OTX2: variants seen among roughly 807,000 people sequenced by gnomAD.
The protein encoded by OTX2 is homeobox protein OTX2.
OTX2 carries 4 observed loss-of-function variants against 29.0 expected under a neutral mutation model. That is an observed-to-expected ratio of 0.14 (90% CI 0.07 to 0.32). OTX2 has a LOEUF of 0.32. OTX2 is among the 10% of genes least tolerant of loss of function. OTX2 has a pLI of 1.00. For missense variants in OTX2, 298 were observed against 365.9 expected (o/e 0.81, Z 1.51); for synonymous variants, 134 against 141.0 (o/e 0.95, Z 0.35).
At chr14:56,805,308 G>A (rs925004595) in intron 3 of OTX2, 52 bp downstream of exon 3, 24 of 1,217,418 alleles carry the variant, frequency 2.0e-5, no homozygotes, top group Non-Finnish European at 2.8e-5. Context: ...TTGCATCCCC[G>A]GAGGGTGGGC....
chr14:56,810,035 A>G (rs998427531), intron 2 of OTX2, 124 bp downstream of exon 2: 2 of 152,138 alleles, frequency 1.3e-5, no homozygotes, highest in African/African-American at 4.8e-5. Flanking sequence ...GAAAAAATAC[A>G]TCCGCCTACA....
intron 3 of OTX2, 119 bp downstream of exon 3, chr14:56,805,241 T>A: frequency 1.4e-6 from 1 of 718,074 alleles, no homozygotes; most frequent in South Asian, 1.6e-5. Flanking sequence ...AGACCAAGCC[T>A]GAAGCTGGGT....
At chr14:56,805,304 C>T in intron 3 of OTX2, 56 bp downstream of exon 3, 3 of 1,180,784 alleles carry the variant, frequency 2.5e-6, no homozygotes, top group East Asian at 2.3e-5. Context: ...GGTGTTGCAT[C>T]CCCGGAGGGT....
intron 2 of OTX2, among the ~76,000 whole-genome samples, chr14:56,808,803 C>T (rs1378465264): frequency 6.6e-6 from 1 of 152,230 alleles, no homozygotes; most frequent in African/African-American, 2.4e-5. Context: ...TCCCCGCGCA[C>T]CAGTTCTATC....
intron 2 of OTX2, among the ~76,000 whole-genome samples, chr14:56,807,693 A>G (rs968006309): frequency 3.3e-5 from 5 of 152,292 alleles, no homozygotes; most frequent in Admixed American, 3.3e-4. Context: ...AAAACCCAAA[A>G]CTAAGAGATT....
At chr14:56,805,667 C>A (rs1441427176) in intron 2 of OTX2, 92 bp from the exon 3 acceptor site, 2 of 586,312 alleles carry the variant, frequency 3.4e-6, no homozygotes, top group South Asian at 3.7e-5. Context: ...TTAAAAAGAG[C>A]ACGGACTAGG....
In OTX2 at chr14:56,800,694, A is replaced by C. The variant is rs1344060352; in HGVS notation, c.*1041T>G. The C allele has an allele frequency of 6.6e-6, 1 of 152,624 alleles. No individual in the cohort carries two copies. Among genetic ancestry groups the C allele is most frequent in the Non-Finnish European group, 1.5e-5 (1 of 68,034 alleles). The allele number at this position is 152,624 out of a possible 1,614,324, so 9.5% of individuals were successfully genotyped here. ...TTCATAAATAGCGGTGTAAAATTAAACTGGACCCAATGTTGTGCTAGAACC... is the reference window on the plus strand; with the variant it reads ...TTCATAAATAGCGGTGTAAAATTAACCTGGACCCAATGTTGTGCTAGAACC... On this transcript the variant is annotated 3_prime_UTR_variant, in exon 5 of 5. Coordinates refer to ENST00000672264, the MANE Select transcript of OTX2 (RefSeq NM_021728.4).
chr14:56,807,539 G>A (rs1387183286), intron 2 of OTX2, among the ~76,000 whole-genome samples: 1 of 152,120 alleles, frequency 6.6e-6, no homozygotes, highest in East Asian at 1.9e-4. Flanking sequence ...AACATAAAAA[G>A]CCAGTAACAC....
At position 56,801,693 on chromosome 14, in the gene OTX2, G is replaced by A. The variant is rs866064360; in HGVS notation, c.*42C>T. On this transcript the variant is annotated 3_prime_UTR_variant, in exon 5 of 5. Coordinates refer to ENST00000672264, the MANE Select transcript of OTX2 (RefSeq NM_021728.4). The surrounding 1 kb of genome is among the most constrained non-coding windows in gnomAD (Gnocchi z 4.2). ...GGCTAAAACTGGAATGTCCAGCCCAGTATATTTAAAAATCACCCACAAAAA... is the reference window on the plus strand; with the variant it reads ...GGCTAAAACTGGAATGTCCAGCCCAATATATTTAAAAATCACCCACAAAAA... 1 of 1,603,810 alleles carries A rather than the reference G, an allele frequency of 6.2e-7. No homozygotes were observed. The highest frequency in any genetic ancestry group is 8.5e-7 in the Non-Finnish European group (1 of 1,172,408).
At chr14:56,808,562 C>G (rs1227022669) in intron 2 of OTX2, among the ~76,000 whole-genome samples, 1 of 152,104 alleles carries the variant, frequency 6.6e-6, no homozygotes, top group African/African-American at 2.4e-5. Context: ...GGGAGAAAGC[C>G]CCGGTGTTAG....
Position 56,805,501 on chromosome 14 carries a change from C to A in OTX2, c.-45G>T. ...GCAAAGTCGGCCCAAATCGGGGGTA[C>A]CCAGCTGGAAGATCTTGATGCGCCC... On this transcript the variant is annotated 5_prime_UTR_variant, in exon 3 of 5. Transcript: ENST00000672264. 2.2e-6 allele frequency: 3 copies of A among 1,346,208 alleles called. No homozygotes were observed. Among genetic ancestry groups the A allele is most frequent in the Non-Finnish European group, 2.1e-6 (2 of 940,350 alleles). 83.4% of individuals were successfully genotyped at this position (1,346,208 alleles called of 1,614,324 possible). A position where few individuals can be genotyped will look rare whatever the true frequency, so the allele number is the denominator to read the frequency against.
rs557465947 is a variant in OTX2, at chr14:56,805,105, C to A, written c.97+255G>T. Reference sequence around the variant, plus strand: ...ACTCTGATGCCAATCCTTATTTACTCGAATTAAGAATAAAGTGATGTGATT... The same window carrying A: ...ACTCTGATGCCAATCCTTATTTACTAGAATTAAGAATAAAGTGATGTGATT... On this transcript the variant is annotated intron_variant, in intron 3 of 4. Coordinates refer to ENST00000672264, the MANE Select transcript of OTX2 (RefSeq NM_021728.4). 2.6e-5 allele frequency among the ~76,000 whole-genome samples: 4 copies of A among 152,334 alleles called. No homozygotes were observed. The East Asian group carries it at 7.7e-4, about 29-fold the overall frequency.
chr14:56,803,611 C>T (rs1313495322), intron 4 of OTX2, among the ~76,000 whole-genome samples: 2 of 152,154 alleles, frequency 1.3e-5, no homozygotes, highest in Non-Finnish European at 2.9e-5. Flanking sequence ...GGAACTAAAA[C>T]AAGAGGGGTG....
intron 2 of OTX2, among the ~76,000 whole-genome samples, chr14:56,808,255 A>G (rs1010846047): frequency 1.3e-5 from 2 of 152,122 alleles, no homozygotes; most frequent in African/African-American, 4.8e-5. Flanking sequence ...ACGTCCCTTA[A>G]TTACAGGCCG....
intron 2 of OTX2, 28 bp downstream of exon 2, chr14:56,810,131 G>C (rs1009560827): frequency 1.3e-5 from 2 of 152,250 alleles, no homozygotes; most frequent in Non-Finnish European, 2.9e-5. Flanking sequence ...CGTAGATATG[G>C]ATATAGACAA....
rs1284677631 is a variant in OTX2, at chr14:56,805,373, G to A, written c.84C>T (p.Ser28=). 6.2e-7 allele frequency: 1 copy of A among 1,612,196 alleles called. No individual in the cohort carries two copies. Among genetic ancestry groups the A allele is most frequent in the Non-Finnish European group, 8.5e-7 (1 of 1,178,264 alleles). ...TTSGMDLLHP[S]VGYPGPWASC... The stretch of plus-strand genomic sequence containing the variant: ...GGGCTCACTTACCCGGGTAGCCCAC[G>A]GAGGGGTGCAGCAAGTCCATACCCG... Residue 28 remains serine, a synonymous_variant, in exon 3 of 5, where the codon TCC becomes TCT. Coordinates refer to ENST00000672264, the MANE Select transcript of OTX2 (RefSeq NM_021728.4).
rs994538451 is a variant in OTX2, at chr14:56,800,250, C to G, written c.*1485G>C. On this transcript the variant is annotated 3_prime_UTR_variant, in exon 5 of 5. Coordinates refer to ENST00000672264, the MANE Select transcript of OTX2 (RefSeq NM_021728.4). ...GAATTACTTTCAGATTCTGATTACA[C>G]TCCCTCTCATGTTTACCTCAGTTTT... 1.3e-5 allele frequency: 2 copies of G among 150,326 alleles called. No homozygotes were observed. Among genetic ancestry groups the G allele is most frequent in the East Asian group, 3.9e-4 (2 of 5,072 alleles). The allele number at this position is 150,326 out of a possible 1,614,324, so 9.3% of individuals were successfully genotyped here.
In OTX2 at chr14:56,800,471, G is replaced by T. The variant is rs1172754199; in HGVS notation, c.*1264C>A. 1 of 152,158 alleles carries T rather than the reference G, an allele frequency of 6.6e-6. No individual in the cohort carries two copies. Among genetic ancestry groups the T allele is most frequent in the South Asian group, 2.1e-4 (1 of 4,816 alleles). 9.4% of individuals were successfully genotyped at this position (152,158 alleles called of 1,614,324 possible). ...AGGGAGGGAAAAGCAAGGAAAACAAGATCTTGTTGTTAGGCTCTCCAAACT... is the reference window on the plus strand; with the variant it reads ...AGGGAGGGAAAAGCAAGGAAAACAATATCTTGTTGTTAGGCTCTCCAAACT... On this transcript the variant is annotated 3_prime_UTR_variant, in exon 5 of 5. Transcript: ENST00000672264.
chr14:56,805,570 G>A lies in OTX2; in HGVS notation c.-114C>T. 1.4e-6 allele frequency: 1 copy of A among 717,282 alleles called. No individual in the cohort carries two copies. The highest frequency in any genetic ancestry group is 2.5e-6 in the Non-Finnish European group (1 of 393,984). 44.4% of individuals were successfully genotyped at this position (717,282 alleles called of 1,614,324 possible). A position where few individuals can be genotyped will look rare whatever the true frequency, so the allele number is the denominator to read the frequency against. ...GTCCTTGGTGGGTGGGTTTGGAGCA[G>A]TGGAACTAAGGGCAAAGCAAACAAA... On this transcript the variant is annotated 5_prime_UTR_variant, in exon 3 of 5. Transcript: ENST00000672264.
Sources: allele counts gnomAD v4.1 joint callset (sites outside exome capture counted in the v4.1 genomes callset), GRCh38; gene constraint gnomAD v4.1.1; non-coding constraint Gnocchi (gnomAD v3.1); transcripts MANE v1.5; gene names NCBI Gene and HGNC (gene_info 2026-07-23, HGNC 2026-07-21).